The following GSPT1 variants were observed in gnomAD, a reference collection of about 807,000 sequenced individuals.
The protein encoded by GSPT1 is eukaryotic peptide chain release factor GTP-binding subunit ERF3A.
GSPT1 carries 20 observed loss-of-function variants against 72.5 expected under a neutral mutation model. That is an observed-to-expected ratio of 0.28 (90% CI 0.19 to 0.40). The LOEUF (loss-of-function observed/expected upper bound fraction) is 0.40, where lower values mean the gene tolerates loss of function less well. Ranked by LOEUF, GSPT1 falls within the 10% of genes least tolerant of loss-of-function variation. The pLI is 1.00. For missense variants in GSPT1, 580 were observed against 811.9 expected, an observed-to-expected ratio of 0.71 and a Z score of 3.47; for synonymous variants, 334 against 293.5, an observed-to-expected ratio of 1.14 and a Z score of -1.41.
chr16:11,877,585 A>G lies in GSPT1; in HGVS notation c.1429-5T>C, dbSNP rs767283791. 5.7e-6 allele frequency: 9 copies of G among 1,572,660 alleles called. No homozygotes were observed. The African/African-American group carries it at 1.2e-4, about 22-fold the overall frequency. The stretch of plus-strand genomic sequence containing the variant: ...TCCAAGAACTTCCACGTTGTGCTTT[A>G]AAAGAAAACAAGACTGGAGGTTTTC... On this transcript the variant is annotated splice_region_variant and splice_polypyrimidine_tract_variant and intron_variant, in intron 11 of 14. Coordinates refer to ENST00000434724, the MANE Select transcript of GSPT1 (RefSeq NM_002094.4). This position sits in a 1 kb window ranked among gnomAD's most constrained non-coding sequence, Gnocchi z 4.0.
intron 1 of GSPT1, among the ~76,000 whole-genome samples, chr16:11,900,956 C>T (rs1467719280): frequency 6.6e-6 from 1 of 152,020 alleles, no homozygotes; most frequent in East Asian, 1.9e-4. Flanking sequence ...GAGTTTGAGA[C>T]CAGCCTGGGC....
At chr16:11,903,441 C>T (rs1237473166) in intron 1 of GSPT1, among the ~76,000 whole-genome samples, 2 of 152,052 alleles carry the variant, frequency 1.3e-5, no homozygotes, top group Non-Finnish European at 1.5e-5. Context: ...CTTGAACCTG[C>T]GAGGCGGAGG....
chr16:11,894,940 A>T lies in GSPT1; in HGVS notation c.698+14T>A, dbSNP rs1567444625. 1.3e-6 allele frequency: 2 copies of T among 1,518,860 alleles called. No individual in the cohort carries two copies. The highest frequency in any genetic ancestry group is 1.8e-6 in the Non-Finnish European group (2 of 1,103,204). 94.1% of individuals were successfully genotyped at this position (1,518,860 alleles called of 1,614,324 possible). ...CAATTTAACTCTGTTATTTAACAAAAGATACAGACTTACATTATTTGTCCT... is the reference window on the plus strand; with the variant it reads ...CAATTTAACTCTGTTATTTAACAAATGATACAGACTTACATTATTTGTCCT... On this transcript the variant is annotated intron_variant, in intron 5 of 14. Transcript: ENST00000434724.
At chr16:11,909,825 T>G (rs974999546) in intron 1 of GSPT1, among the ~76,000 whole-genome samples, 1 of 152,112 alleles carries the variant, frequency 6.6e-6, no homozygotes, top group Non-Finnish European at 1.5e-5. Context: ...CTTGGGAAGC[T>G]GAGGCAGAAC....
chr16:11,888,847 T>A (rs1264299575), intron 6 of GSPT1, among the ~76,000 whole-genome samples: 2 of 152,234 alleles, frequency 1.3e-5, no homozygotes, highest in African/African-American at 4.8e-5. Context: ...CAGTCAATTA[T>A]ACCATCTAGA....
chr16:11,877,618 T>C lies in GSPT1; in HGVS notation c.1429-38A>G, dbSNP rs1443501632. The C allele has an allele frequency of 3.8e-6, 5 of 1,311,880 alleles. No individual in the cohort carries two copies. Among genetic ancestry groups the C allele is most frequent in the Non-Finnish European group, 5.3e-6 (5 of 943,402 alleles). 81.3% of individuals were successfully genotyped at this position (1,311,880 alleles called of 1,614,324 possible). A position where few individuals can be genotyped will look rare whatever the true frequency, so the allele number is the denominator to read the frequency against. On this transcript the variant is annotated intron_variant, in intron 11 of 14. Transcript: ENST00000434724. The surrounding 1 kb of genome is among the most constrained non-coding windows in gnomAD (Gnocchi z 4.0). ...ACAAGACTGGAGGTTTTCTGACACATTCACTGCATTACGCAACATAAAATG... is the reference window on the plus strand; with the variant it reads ...ACAAGACTGGAGGTTTTCTGACACACTCACTGCATTACGCAACATAAAATG...
intron 1 of GSPT1, among the ~76,000 whole-genome samples, chr16:11,911,854 A>ACT (rs1462195027): frequency 6.6e-5 from 3 of 45,384 alleles, no homozygotes; most frequent in Non-Finnish European, 1.1e-4. Flanking sequence ...ACCCAGCTGT[A>ACT]TTTTTTTTTT....
intron 5 of GSPT1, among the ~76,000 whole-genome samples, chr16:11,893,056 T>C (rs1296198401): frequency 1.3e-5 from 2 of 151,802 alleles, no homozygotes; most frequent in African/African-American, 2.4e-5. Context: ...CTAAAATTAT[T>C]TCAGAATATA....
At chr16:11,901,740 C>G (rs932346193) in intron 1 of GSPT1, among the ~76,000 whole-genome samples, 13 of 151,386 alleles carry the variant, frequency 8.6e-5, no homozygotes, top group African/African-American at 2.9e-4. Flanking sequence ...CGCAGTGAGC[C>G]AAGATTGCAC....
chr16:11,888,734 C>CCCAG, intron 6 of GSPT1, among the ~76,000 whole-genome samples: 1 of 152,186 alleles, frequency 6.6e-6, no homozygotes, highest in Non-Finnish European at 1.5e-5. Context: ...TGCACTCCAG[C>CCCAG]CTGGTGACAC....
At chr16:11,895,196 C>CA in intron 4 of GSPT1, 2 of 427,270 alleles carry the variant, frequency 4.7e-6, no homozygotes, top group Non-Finnish European at 8.7e-6. Flanking sequence ...TTTGGGAGGC[C>CA]AGCGAGGGCG....
chr16:11,879,677 C>T lies in GSPT1; in HGVS notation c.1429-2097G>A, dbSNP rs112098626. ...GAACCGGGACCTGGGAGGTGGAGGT[C>T]GCAGTGAGCCGAGATCACACCACTG... On this transcript the variant is annotated intron_variant, in intron 11 of 14. Coordinates refer to ENST00000434724, the MANE Select transcript of GSPT1 (RefSeq NM_002094.4). Among the ~76,000 whole-genome samples, 898 of 144,458 alleles carry T rather than the reference C, an allele frequency of 6.2e-3. 14 individuals are homozygous for T. The highest frequency in any genetic ancestry group is 0.022 in the African/African-American group (845 of 38,542). 94.8% of individuals were successfully genotyped at this position (144,458 alleles called of 152,430 possible).
At chr16:11,913,538 C>A (rs922367645) in intron 1 of GSPT1, among the ~76,000 whole-genome samples, 1 of 152,214 alleles carries the variant, frequency 6.6e-6, no homozygotes, top group Non-Finnish European at 1.5e-5. Flanking sequence ...AATACCTAGT[C>A]ACCAACAGTG....
At chr16:11,907,845 C>T (rs765292286) in intron 1 of GSPT1, among the ~76,000 whole-genome samples, 7 of 152,246 alleles carry the variant, frequency 4.6e-5, no homozygotes, top group Non-Finnish European at 1.0e-4. Context: ...AGCAATGCCA[C>T]ATTATCAACC....
Position 11,870,272 on chromosome 16 carries a change from T to G in GSPT1, c.*2847A>C, listed in dbSNP as rs1330277084. On this transcript the variant is annotated 3_prime_UTR_variant, in exon 15 of 15. Transcript: ENST00000434724. ...TTAAAAACAAGAAATGAGTGCTGTA[T>G]TTCCCCCTCTCCCACAGTAAGAAAC... is the stretch of plus-strand genomic sequence containing the variant. 6.6e-6 allele frequency: 1 copy of G among 152,204 alleles called. No homozygotes were observed. Among genetic ancestry groups the G allele is most frequent in the Non-Finnish European group, 1.5e-5 (1 of 68,038 alleles). The allele number at this position is 152,204 out of a possible 1,614,324, so 9.4% of individuals were successfully genotyped here. A position where few individuals can be genotyped will look rare whatever the true frequency, so the allele number is the denominator to read the frequency against.
chr16:11,902,206 C>A (rs1450031220), intron 1 of GSPT1, among the ~76,000 whole-genome samples: 1 of 151,148 alleles, frequency 6.6e-6, no homozygotes, highest in Non-Finnish European at 1.5e-5. Flanking sequence ...CATGGTGAAA[C>A]CCTGTCTCTA....
At chr16:11,893,570 G>C (rs1163696697) in intron 5 of GSPT1, among the ~76,000 whole-genome samples, 1 of 152,098 alleles carries the variant, frequency 6.6e-6, no homozygotes, top group African/African-American at 2.4e-5. Flanking sequence ...CGTTAGTAAT[G>C]CATACTTCCT....
chr16:11,911,743 G>C (rs1050864834), intron 1 of GSPT1, among the ~76,000 whole-genome samples: 1 of 151,104 alleles, frequency 6.6e-6, no homozygotes, highest in Non-Finnish European at 1.5e-5. Context: ...AATAGAGACA[G>C]GTTTCGCCAC....
Position 11,887,560 on chromosome 16 carries a change from T to A in GSPT1, c.957+10A>T. On this transcript the variant is annotated intron_variant, in intron 7 of 14. Transcript: ENST00000434724. The stretch of plus-strand genomic sequence containing the variant: ...CAAATATACAGATGGACTGGAAATG[T>A]CTTTCTTACCAGCACAGCCAAATCA... 6.2e-7 allele frequency: 1 copy of A among 1,610,424 alleles called. No individual in the cohort carries two copies. The highest frequency in any genetic ancestry group is 1.1e-5 in the South Asian group (1 of 90,838).
Sources: allele counts gnomAD v4.1 joint callset (sites outside exome capture counted in the v4.1 genomes callset), GRCh38; gene constraint gnomAD v4.1.1; non-coding constraint Gnocchi (gnomAD v3.1); transcripts MANE v1.5; gene names NCBI Gene and HGNC (gene_info 2026-07-23, HGNC 2026-07-21).